MLLT1: variants seen among roughly 807,000 people sequenced by gnomAD.
MLLT1 encodes the protein MLLT1 super elongation complex subunit, also known as protein ENL.
A neutral mutation model predicts 55.1 loss-of-function variants in MLLT1; 11 were observed. The ratio of observed to expected loss-of-function variants is 0.20; its 90% CI spans 0.13 to 0.33. The LOEUF is 0.33. Ranked by LOEUF, MLLT1 falls within the 10% of genes least tolerant of loss-of-function variation. MLLT1 has a pLI of 1.00. For synonymous variants in MLLT1, 323 were observed against 320.1 expected (o/e 1.01, Z -0.10); for missense variants, 536 against 760.6 (o/e 0.70, Z 3.47).
At chr19:6,215,291 G>T (rs370019477) in intron 8 of MLLT1, among the ~76,000 whole-genome samples, 4 of 152,234 alleles carry the variant, frequency 2.6e-5, no homozygotes, top group Non-Finnish European at 4.4e-5. Flanking sequence ...CTCTAGAACC[G>T]AACCTTCCGT....
intron 4 of MLLT1, among the ~76,000 whole-genome samples, chr19:6,228,727 GC>G (rs1406108116): frequency 6.6e-6 from 1 of 152,118 alleles, no homozygotes; most frequent in Non-Finnish European, 1.5e-5. Flanking sequence ...CCCGAGAGGA[GC>G]CCCTGCCACC....
In MLLT1 at chr19:6,235,130, G is replaced by A. The variant is rs988003033; in HGVS notation, c.277-4417C>T. The stretch of plus-strand genomic sequence containing the variant: ...CCAGGAGGGCAGCGCAGGCTGGAAC[G>A]GGCTTGGCTGTGCAGGGACCACCTT... On this transcript the variant is annotated intron_variant, in intron 3 of 11. Coordinates refer to ENST00000252674, the MANE Select transcript of MLLT1 (RefSeq NM_005934.4). The surrounding 1 kb of genome is among the most constrained non-coding windows in gnomAD (Gnocchi z 5.5). 2.0e-5 allele frequency among the ~76,000 whole-genome samples: 3 copies of A among 152,214 alleles called. No homozygotes were observed. The highest frequency in any genetic ancestry group is 4.8e-5 in the African/African-American group (2 of 41,462).
chr19:6,216,646 G>A (rs1254107128), intron 7 of MLLT1, 133 bp from the exon 8 acceptor site: 1 of 631,160 alleles, frequency 1.6e-6, no homozygotes, highest in African/African-American at 1.9e-5. Flanking sequence ...CGTCCACCTG[G>A]GGGTCCCTGT....
At chr19:6,279,021 T>C (rs1399963474) in intron 1 of MLLT1, among the ~76,000 whole-genome samples, 1 of 150,568 alleles carries the variant, frequency 6.6e-6, no homozygotes, top group African/African-American at 2.5e-5. Flanking sequence ...AGGGCTGGGG[T>C]TGGGAGAGAA....
rs745855959 is a variant in MLLT1, at chr19:6,227,313, AG to A, written c.421-212del. 1.3e-5 allele frequency among the ~76,000 whole-genome samples: 2 copies of A among 152,172 alleles called. No individual in the cohort carries two copies. The highest frequency in any genetic ancestry group is 2.9e-5 in the Non-Finnish European group (2 of 68,028). On this transcript the variant is annotated intron_variant, in intron 4 of 11. Transcript: ENST00000252674. The surrounding 1 kb of genome is among the most constrained non-coding windows in gnomAD (Gnocchi z 5.1). ...ATGGGTGGGGAGCGAAGAAAAGCCC[AG>A]GGTCCCAGGATGGCTGGGACCAGGT...
intron 6 of MLLT1, among the ~76,000 whole-genome samples, chr19:6,221,603 A>C (rs1385097914): frequency 3.3e-5 from 5 of 152,226 alleles, no homozygotes; most frequent in Admixed American, 3.3e-4. Context: ...TGACCCCACC[A>C]GCCACCTAAA....
intron 6 of MLLT1, among the ~76,000 whole-genome samples, chr19:6,218,622 C>T (rs917666905): frequency 6.6e-6 from 1 of 152,230 alleles, no homozygotes; most frequent in Admixed American, 6.5e-5. Flanking sequence ...CGGCCCCACC[C>T]GCCTCCTCCT....
In MLLT1 at chr19:6,248,474, T is replaced by G. The variant is rs553350456; in HGVS notation, c.276+13754A>C. Among the ~76,000 whole-genome samples, 170 of 152,318 alleles carry G rather than the reference T, an allele frequency of 1.1e-3. 1 individual carries two copies. The highest frequency in any genetic ancestry group is 4.0e-3 in the African/African-American group (167 of 41,572). ...CCAGGAGATCAAGGTCAACCTCGGC[T>G]GTTAACCATGGATCATGTTAATATC... On this transcript the variant is annotated intron_variant, in intron 3 of 11. Transcript: ENST00000252674.
intron 1 of MLLT1, among the ~76,000 whole-genome samples, chr19:6,276,307 C>T (rs1003292256): frequency 1.2e-4 from 18 of 152,064 alleles, no homozygotes; most frequent in African/African-American, 4.1e-4. Context: ...GGGGAGCAGC[C>T]GAGTTGCAGG....
intron 3 of MLLT1, among the ~76,000 whole-genome samples, chr19:6,245,387 C>T (rs1167287707): frequency 1.3e-5 from 2 of 151,650 alleles, no homozygotes; most frequent in African/African-American, 4.8e-5. Context: ...CCGCCGTGCC[C>T]AGCCCTTAAA....
intron 3 of MLLT1, among the ~76,000 whole-genome samples, chr19:6,252,028 A>G (rs1235181951): frequency 6.6e-6 from 1 of 152,234 alleles, no homozygotes; most frequent in Non-Finnish European, 1.5e-5. Flanking sequence ...GGGTGTTTCC[A>G]GAGGACACTG....
intron 3 of MLLT1, among the ~76,000 whole-genome samples, chr19:6,248,167 A>G (rs967627555): frequency 6.6e-6 from 1 of 152,168 alleles, no homozygotes; most frequent in African/African-American, 2.4e-5. Context: ...GGATTACAAG[A>G]ATGAGCCACT....
rs567468398 is a variant in MLLT1 at position 6,275,997 on chromosome 19, T to C, written c.12+3776A>G. ...ACTTTTTGAATGTGCACAACCCCAA[T>C]ACAGGCATCTGTCACCAGACCAGGT... On this transcript the variant is annotated intron_variant, in intron 1 of 11. Coordinates refer to ENST00000252674, the MANE Select transcript of MLLT1 (RefSeq NM_005934.4). Among the ~76,000 whole-genome samples, 18 of 152,256 alleles carry C rather than the reference T, an allele frequency of 1.2e-4. 1 individual carries two copies. The South Asian group carries it at 3.7e-3, about 32-fold the overall frequency.
intron 1 of MLLT1, among the ~76,000 whole-genome samples, chr19:6,276,389 C>T (rs2091428352): frequency 6.6e-6 from 1 of 152,126 alleles, no homozygotes; most frequent in Non-Finnish European, 1.5e-5. Context: ...TGAAATGGGC[C>T]CCTGGCATCA....
At chr19:6,267,996 CAGAA>C (rs879780397) in intron 2 of MLLT1, among the ~76,000 whole-genome samples, 3,660 of 152,242 alleles carry the variant, frequency 0.024, 66 homozygotes, top group Middle Eastern at 0.051. Context: ...ACAAAACTGA[CAGAA>C]ACCTCTGACT....
Position 6,270,733 on chromosome 19 carries a change from C to G in MLLT1, c.39G>C (p.Leu13=). The change falls in exon 2 of 12, where the codon CTG becomes CTC. Residue 13 remains leucine (L), a synonymous_variant. Transcript: ENST00000252674. The surrounding 1 kb of genome is among the most constrained non-coding windows in gnomAD (Gnocchi z 7.1). The part of the protein sequence containing the change: ...NQCTVQVRLE[L]GHRAQLRKKP... ...TCTTGCGCAGTTGGGCGCGATGCCC[C>G]AGCTCTAACCTCACCTGGACGGTGC... The G allele has an allele frequency of 6.2e-7, 1 of 1,612,950 alleles. No individual in the cohort carries two copies. The highest frequency in any genetic ancestry group is 8.5e-7 in the Non-Finnish European group (1 of 1,179,296).
At position 6,213,963 on chromosome 19, in the gene MLLT1, C is replaced by A; in HGVS notation, c.1383G>T (p.Gln461His). The A allele has an allele frequency of 7.0e-7, 1 of 1,433,876 alleles. No individual in the cohort carries two copies. Among genetic ancestry groups the A allele is most frequent in the East Asian group, 2.5e-5 (1 of 40,704 alleles). 88.8% of individuals were successfully genotyped at this position (1,433,876 alleles called of 1,614,324 possible). Residue 461 changes from glutamine to histidine, a missense_variant, in exon 9 of 12, where the codon CAG (glutamine) becomes CAT (histidine). This residue lies in a region of MLLT1 where 449 missense variants were observed against 489.0 expected (regional missense o/e 0.92). Coordinates refer to ENST00000252674, the MANE Select transcript of MLLT1 (RefSeq NM_005934.4). ...SLPSREPPPP[Q>H]KPPPPNSKVS... The stretch of plus-strand genomic sequence containing the variant: ...CCTTGCTGTTGGGCGGGGGTGGCTT[C>A]TGGGGGGGTGGGGGCTCACGGCTGG...
At chr19:6,223,012 G>A (rs895266391) in intron 5 of MLLT1, among the ~76,000 whole-genome samples, 2 of 144,596 alleles carry the variant, frequency 1.4e-5, no homozygotes, top group African/African-American at 5.0e-5. Context: ...GCACCCGCCC[G>A]CCCTAACACC....
At position 6,222,156 on chromosome 19, in the gene MLLT1, ACTC is replaced by A; in HGVS notation, c.1072_1074del (p.Glu358del). Reference sequence around the variant, plus strand: ...AAGGAGGCCTCGTCCTCTGAGTTGGACTCCTCCACCTCCAGGGCCTTTTTGGCC... The same window carrying A: ...AAGGAGGCCTCGTCCTCTGAGTTGGACTCCACCTCCAGGGCCTTTTTGGCC... On this transcript the variant is annotated inframe_deletion, in exon 6 of 12. Coordinates refer to ENST00000252674, the MANE Select transcript of MLLT1 (RefSeq NM_005934.4). This position sits in a 1 kb window ranked among gnomAD's most constrained non-coding sequence, Gnocchi z 4.1. 2 of 1,551,982 alleles carry A rather than the reference ACTC, an allele frequency of 1.3e-6. No homozygotes were observed. Among genetic ancestry groups the A allele is most frequent in the East Asian group, 2.3e-5 (1 of 43,284 alleles).
Sources: gnomAD v4.1 joint callset for allele counts (sites outside exome capture counted in the v4.1 genomes callset) on GRCh38, gnomAD v4.1.1 for gene constraint, gnomAD v4.1.1 regional missense constraint, Gnocchi (gnomAD v3.1) non-coding constraint, MANE v1.5 for transcripts, NCBI Gene and HGNC (gene_info 2026-07-23, HGNC 2026-07-21) for gene names.